Variants in PALLD observed in about 807,000 individuals in gnomAD.
The protein encoded by PALLD is palladin, cytoskeletal associated protein.
A neutral mutation model predicts 123.5 loss-of-function variants in PALLD; 61 were observed. The ratio of observed to expected loss-of-function variants is 0.49; its 90% CI spans 0.40 to 0.61. The LOEUF (loss-of-function observed/expected upper bound fraction) is 0.61. Ranked by LOEUF, PALLD falls within the 20% of genes least tolerant of loss-of-function variation. The pLI, the probability that PALLD is intolerant of heterozygous loss-of-function variation, is 0.00. For missense variants in PALLD, 1,273 were observed against 1,377.0 expected, an observed-to-expected ratio of 0.92 and a Z score of 1.20; for synonymous variants, 465 against 496.4, an observed-to-expected ratio of 0.94 and a Z score of 0.84.
intron 2 of PALLD, among the ~76,000 whole-genome samples, chr4:168,527,651 C>G (rs946493171): frequency 6.6e-6 from 1 of 152,066 alleles, no homozygotes; most frequent in African/African-American, 2.4e-5. Context: ...GATCATAAGT[C>G]TGCCTTACTA....
chr4:168,846,402 A>G (rs1314198607), intron 10 of PALLD, among the ~76,000 whole-genome samples: 3 of 152,344 alleles, frequency 2.0e-5, no homozygotes, highest in East Asian at 3.9e-4. Flanking sequence ...ATCAATTTCA[A>G]CACTAATAAC....
chr4:168,876,319 G>A (rs76183557), intron 10 of PALLD, among the ~76,000 whole-genome samples: 1,712 of 152,328 alleles, frequency 0.011, 48 homozygotes, highest in African/African-American at 0.039. Context: ...GTGCTGGACA[G>A]TCTACCCAAA....
intron 2 of PALLD, among the ~76,000 whole-genome samples, chr4:168,662,279 C>T (rs1310991105): frequency 6.6e-6 from 1 of 152,168 alleles, no homozygotes; most frequent in African/African-American, 2.4e-5. Context: ...AGCCACATTC[C>T]ACCCACACTC....
chr4:168,803,972 C>T (rs1289486406), intron 10 of PALLD, among the ~76,000 whole-genome samples: 1 of 152,174 alleles, frequency 6.6e-6, no homozygotes, highest in Non-Finnish European at 1.5e-5. Context: ...TCAGGCATGT[C>T]TCTGCTGGTG....
intron 2 of PALLD, among the ~76,000 whole-genome samples, chr4:168,642,024 G>C (rs945428290): frequency 1.3e-5 from 2 of 152,134 alleles, no homozygotes; most frequent in Admixed American, 6.6e-5. Flanking sequence ...TTGTGTCTTC[G>C]TCTCCTTTCA....
At chr4:168,735,929 A>G (rs970282652) in intron 10 of PALLD, among the ~76,000 whole-genome samples, 2 of 152,176 alleles carry the variant, frequency 1.3e-5, no homozygotes, top group Non-Finnish European at 2.9e-5. Context: ...AATTACTCCT[A>G]TTAATAGCTG....
intron 10 of PALLD, among the ~76,000 whole-genome samples, chr4:168,743,120 C>T (rs1028126725): frequency 2.0e-5 from 3 of 152,220 alleles, no homozygotes; most frequent in Admixed American, 6.5e-5. Flanking sequence ...CACGCAATTA[C>T]TCTCTCAGGG....
At chr4:168,662,005 C>T (rs958614312) in intron 2 of PALLD, among the ~76,000 whole-genome samples, 1 of 151,928 alleles carries the variant, frequency 6.6e-6, no homozygotes, top group Non-Finnish European at 1.5e-5. Context: ...TGTCATTGTT[C>T]CCAAATATTG....
chr4:168,511,279 A>G (rs1297567437), intron 1 of PALLD, 144 bp from the exon 2 acceptor site: 1 of 541,950 alleles, frequency 1.8e-6, no homozygotes, highest in African/African-American at 1.9e-5. Flanking sequence ...ACACAAGTAT[A>G]CTTGATATTT....
chr4:168,924,881 T>C (rs1762271982), intron 19 of PALLD, 64 bp from the exon 20 acceptor site: 3 of 1,513,942 alleles, frequency 2.0e-6, no homozygotes, highest in Middle Eastern at 1.7e-4. Context: ...TTAAAAATGA[T>C]GCTTCATGTC....
In PALLD at chr4:168,794,870, CTGTT is replaced by C. The variant is rs534917955; in HGVS notation, c.1964+82950_1964+82953del. Among the ~76,000 whole-genome samples, 89 of 152,270 alleles carry C rather than the reference CTGTT, an allele frequency of 5.8e-4. 1 individual carries two copies. Among genetic ancestry groups the C allele is most frequent in the African/African-American group, 2.1e-3 (86 of 41,554 alleles). ...TAGTGTGTTTTCTTATGGTCTTACT[CTGTT>C]TGGGCTGCTGAAACCAGCCATTATA... is the stretch of plus-strand genomic sequence containing the variant. On this transcript the variant is annotated intron_variant, in intron 10 of 21. Coordinates refer to ENST00000505667, the MANE Select transcript of PALLD (RefSeq NM_001166108.2).
At chr4:168,611,016 C>A (rs541393368) in intron 2 of PALLD, among the ~76,000 whole-genome samples, 1 of 152,312 alleles carries the variant, frequency 6.6e-6, no homozygotes, top group Admixed American at 6.5e-5. Flanking sequence ...CTACTCCTGG[C>A]TGGAACAGTT....
intron 1 of PALLD, among the ~76,000 whole-genome samples, chr4:168,499,382 T>C (rs1401068643): frequency 2.1e-5 from 3 of 140,018 alleles, no homozygotes; most frequent in Non-Finnish European, 4.7e-5. Context: ...GGAGGGACTT[T>C]ATTGATTTAG....
At chr4:168,877,776 C>T in intron 10 of PALLD, 2 of 1,197,380 alleles carry the variant, frequency 1.7e-6, no homozygotes, top group Non-Finnish European at 2.1e-6. Context: ...GAGCAGGAGG[C>T]CGGCGCTCGG....
At chr4:168,765,519 C>T (rs1197324298) in intron 10 of PALLD, among the ~76,000 whole-genome samples, 2 of 152,204 alleles carry the variant, frequency 1.3e-5, no homozygotes, top group African/African-American at 2.4e-5. Flanking sequence ...ATCCCACTGT[C>T]ACCCACTTCA....
intron 10 of PALLD, among the ~76,000 whole-genome samples, chr4:168,779,709 T>C (rs1286653462): frequency 6.6e-6 from 1 of 152,108 alleles, no homozygotes; most frequent in Admixed American, 6.5e-5. Context: ...ATATAAAAGT[T>C]GCTATAACAT....
At chr4:168,816,817 CGTGTGTGTGTGTGTGT>C (rs61010592) in intron 10 of PALLD, among the ~76,000 whole-genome samples, 2,991 of 111,012 alleles carry the variant, frequency 0.027, 59 homozygotes, top group African/African-American at 0.039. Flanking sequence ...GAGCTAGCCC[CGTGTGTGTGTGTGTGT>C]GTGTGTGTGT....
Position 168,867,970 on chromosome 4 carries a change from C to T in PALLD, c.1965-22952C>T, listed in dbSNP as rs146637502. ...TGGTCTGAGGGTTATCTGGATCCAGCGGCTAAAATAGTATTCCAATTTTAA... is the reference window on the plus strand; with the variant it reads ...TGGTCTGAGGGTTATCTGGATCCAGTGGCTAAAATAGTATTCCAATTTTAA... On this transcript the variant is annotated intron_variant, in intron 10 of 21. Coordinates refer to ENST00000505667, the MANE Select transcript of PALLD (RefSeq NM_001166108.2). 6.1e-3 allele frequency among the ~76,000 whole-genome samples: 920 copies of T among 150,734 alleles called. 4 individuals are homozygous for T. The highest frequency in any genetic ancestry group is 0.02 in the African/African-American group (839 of 41,270).
At position 168,512,178 on chromosome 4, in the gene PALLD, A is replaced by C; in HGVS notation, c.674A>C (p.Glu225Ala). The change falls in exon 2 of 22, where the codon GAA becomes GCA. Residue 225 changes from glutamate (E) to alanine (A), a missense_variant. Glu to Ala is a moderately radical substitution (Grantham distance 107). This residue lies in a region of PALLD where 944 missense variants were observed against 954.5 expected (regional missense o/e 0.99). Transcript: ENST00000505667. Reference protein sequence around the residue: ...LSASASQSPMEDQGEMEREVK... With the variant: ...LSASASQSPMADQGEMEREVK... ...GCCTCAGCCAGCCAGAGCCCTATGG[A>C]AGACCAAGGGGAGATGGAAAGAGAG... The C allele has an allele frequency of 6.2e-7, 1 of 1,614,006 alleles. No individual in the cohort carries two copies.
Sources: gnomAD v4.1 joint callset for allele counts (sites outside exome capture counted in the v4.1 genomes callset) on GRCh38, gnomAD v4.1.1 for gene constraint, gnomAD v4.1.1 regional missense constraint, MANE v1.5 for transcripts, NCBI Gene and HGNC (gene_info 2026-07-23, HGNC 2026-07-21) for gene names.